Variants in DOCK1 observed in about 807,000 individuals in gnomAD.
The protein encoded by DOCK1 is dedicator of cytokinesis protein 1.
DOCK1 carries 138 observed loss-of-function variants against 262.7 expected under a neutral mutation model. The observed-to-expected ratio is 0.53, with a 90% CI of 0.46 to 0.61. The LOEUF (loss-of-function observed/expected upper bound fraction) is 0.61, where lower values mean the gene tolerates loss of function less well. DOCK1 is among the 20% of genes least tolerant of loss of function. DOCK1 has a pLI of 0.00. For missense variants in DOCK1, 1,908 were observed against 2,370.7 expected (o/e 0.80, Z 4.05); for synonymous variants, 866 against 867.4 (o/e 1.00, Z 0.03).
chr10:127,395,012 A>G (rs4750852), intron 38 of DOCK1, among the ~76,000 whole-genome samples: 62,970 of 152,084 alleles, frequency 0.41, 13,745 homozygotes, highest in Middle Eastern at 0.53. Flanking sequence ...CTTGAAGAGT[A>G]AAATTAAGTT....
At chr10:127,060,574 A>G (rs2045466656) in intron 22 of DOCK1, among the ~76,000 whole-genome samples, 2 of 152,230 alleles carry the variant, frequency 1.3e-5, no homozygotes, top group Admixed American at 6.5e-5. Flanking sequence ...TAAACACTGT[A>G]TTAATAAAAC....
At chr10:127,305,403 G>T (rs10741213) in intron 29 of DOCK1, among the ~76,000 whole-genome samples, 5 of 151,868 alleles carry the variant, frequency 3.3e-5, no homozygotes, top group Non-Finnish European at 5.9e-5. Flanking sequence ...GCAAATCCTC[G>T]CTTATCTGAA....
intron 28 of DOCK1, among the ~76,000 whole-genome samples, chr10:127,254,782 C>T (rs2059772818): frequency 6.6e-6 from 1 of 152,146 alleles, no homozygotes; most frequent in South Asian, 2.1e-4. Context: ...AGTGAAGATG[C>T]TTTGTCTTTA....
chr10:127,157,982 G>A (rs1281560160), intron 27 of DOCK1, among the ~76,000 whole-genome samples: 1 of 152,174 alleles, frequency 6.6e-6, no homozygotes, highest in Non-Finnish European at 1.5e-5. Context: ...CTCAATAGAG[G>A]GCTTAAAACT....
chr10:127,184,478 T>G (rs2056038785), intron 27 of DOCK1, among the ~76,000 whole-genome samples: 1 of 148,708 alleles, frequency 6.7e-6, no homozygotes, highest in Non-Finnish European at 1.5e-5. Flanking sequence ...CATTCCCCCA[T>G]GCCCCACCCC....
intron 49 of DOCK1, 128 bp downstream of exon 49, chr10:127,439,353 T>C: frequency 1.0e-6 from 1 of 971,886 alleles, no homozygotes; most frequent in Non-Finnish European, 1.5e-6. Flanking sequence ...CTCAGAAACC[T>C]GGGGTCCTCC....
chr10:127,192,148 C>T (rs1276749072), intron 27 of DOCK1, among the ~76,000 whole-genome samples: 1 of 152,124 alleles, frequency 6.6e-6, no homozygotes, highest in South Asian at 2.1e-4. Flanking sequence ...AGACTCTCTT[C>T]TTTTCTTTTT....
rs531750560 is a variant in DOCK1 at position 127,163,799 on chromosome 10, CTTTTTTTT to C, written c.2847+36047_2847+36054del. On this transcript the variant is annotated intron_variant, in intron 27 of 51. Coordinates refer to ENST00000623213, the MANE Select transcript of DOCK1 (RefSeq NM_001290223.2). ...ACTTCCGTGTCTGGATAAAGCCTTCCTTTTTTTTTTTTTTTTTTTGCCCTGAAGCAATC... is the reference window on the plus strand; with the variant it reads ...ACTTCCGTGTCTGGATAAAGCCTTCCTTTTTTTTTTTGCCCTGAAGCAATC... Among the ~76,000 whole-genome samples the C allele has an allele frequency of 5.4e-5, 7 of 129,214 alleles. No homozygotes were observed. In the South Asian group the frequency reaches 1.8e-3, roughly 33 times the overall value. 84.8% of individuals were successfully genotyped at this position (129,214 alleles called of 152,430 possible).
chr10:127,213,216 T>G (rs928950871), intron 27 of DOCK1, among the ~76,000 whole-genome samples: 3 of 152,344 alleles, frequency 2.0e-5, no homozygotes, highest in South Asian at 2.1e-4. Context: ...TTTTCTTTGA[T>G]TTTTAAGACA....
intron 6 of DOCK1, 62 bp from the exon 7 acceptor site, chr10:126,996,686 T>C: frequency 6.7e-7 from 1 of 1,491,382 alleles, no homozygotes; most frequent in Non-Finnish European, 8.9e-7. Flanking sequence ...GTGGAAGTTG[T>C]GCTAGAAAAT....
At chr10:127,080,113 A>C (rs556932094) in intron 23 of DOCK1, among the ~76,000 whole-genome samples, 1 of 152,188 alleles carries the variant, frequency 6.6e-6, no homozygotes, top group African/African-American at 2.4e-5. Context: ...GGAATGCAAA[A>C]ATATAAACAG....
At chr10:126,972,331 A>G (rs2038177135) in intron 2 of DOCK1, among the ~76,000 whole-genome samples, 1 of 152,212 alleles carries the variant, frequency 6.6e-6, no homozygotes, top group Admixed American at 6.5e-5. Context: ...TAATTTGAGC[A>G]TGCCATATTT....
At chr10:127,273,262 C>G (rs1293231072) in intron 29 of DOCK1, among the ~76,000 whole-genome samples, 2 of 147,408 alleles carry the variant, frequency 1.4e-5, no homozygotes, top group Non-Finnish European at 2.9e-5. Flanking sequence ...CCATAAATAC[C>G]TCCCACTTTG....
rs114606486 is a variant in DOCK1 at position 127,025,605 on chromosome 10, C to T, written c.1552-747C>T. Among the ~76,000 whole-genome samples, 1,130 of 152,110 alleles carry T rather than the reference C, an allele frequency of 7.4e-3. 14 individuals carry two copies. The highest frequency in any genetic ancestry group is 0.026 in the African/African-American group (1,088 of 41,530). On this transcript the variant is annotated intron_variant, in intron 15 of 51. Coordinates refer to ENST00000623213, the MANE Select transcript of DOCK1 (RefSeq NM_001290223.2). ...GGGATTACAGGCATGTACCATGATG[C>T]CTGGCTAATGTTTTTGGTATTTTTA...
At chr10:127,163,782 G>C (rs1473777168) in intron 27 of DOCK1, among the ~76,000 whole-genome samples, 1 of 149,672 alleles carries the variant, frequency 6.7e-6, no homozygotes, top group Non-Finnish European at 1.5e-5. Flanking sequence ...CCACTTCCGT[G>C]TCTGGATAAA....
intron 29 of DOCK1, among the ~76,000 whole-genome samples, chr10:127,320,232 G>A (rs1203910902): frequency 6.6e-6 from 1 of 152,028 alleles, no homozygotes; most frequent in African/African-American, 2.4e-5. Context: ...AAGAAATAAA[G>A]GGGTCATTAA....
In DOCK1 at chr10:127,365,489, A is replaced by G. The variant is rs950653756; in HGVS notation, c.3432+3277A>G. Among the ~76,000 whole-genome samples, 4 of 152,368 alleles carry G rather than the reference A, an allele frequency of 2.6e-5. No individual in the cohort carries two copies. In the East Asian group the frequency reaches 7.7e-4, roughly 29 times the overall value. ...AAATTCATTTGACTTTTTGAATTTT[A>G]TATAAATCTAGCCCAAAGAAGGACT... On this transcript the variant is annotated intron_variant, in intron 33 of 51. Transcript: ENST00000623213.
At chr10:127,204,904 A>G (rs1320171071) in intron 27 of DOCK1, among the ~76,000 whole-genome samples, 5 of 152,068 alleles carry the variant, frequency 3.3e-5, no homozygotes, top group Non-Finnish European at 7.4e-5. Flanking sequence ...CCGCCTCCAG[A>G]TCAGTCACCC....
At chr10:127,174,443 C>T (rs1488387818) in intron 27 of DOCK1, among the ~76,000 whole-genome samples, 1 of 152,208 alleles carries the variant, frequency 6.6e-6, no homozygotes, top group Non-Finnish European at 1.5e-5. Context: ...ACTAAAACCC[C>T]ACCTTTAGGT....
Sources: allele counts gnomAD v4.1 joint callset (sites outside exome capture counted in the v4.1 genomes callset), GRCh38; gene constraint gnomAD v4.1.1; transcripts MANE v1.5; gene names NCBI Gene and HGNC (gene_info 2026-07-23, HGNC 2026-07-21).